The following PPFIA2 variants were observed in gnomAD, a reference collection of about 807,000 sequenced individuals.
PPFIA2 encodes liprin-alpha-2.
PPFIA2 carries 46 observed loss-of-function variants against 175.5 expected under a neutral mutation model. That is an observed-to-expected ratio of 0.26 (90% CI 0.21 to 0.34). The LOEUF is 0.34. PPFIA2 is among the 10% of genes least tolerant of loss of function. The pLI is 1.00. For missense variants in PPFIA2, 1,179 were observed against 1,506.1 expected (o/e 0.78, Z 3.60); for synonymous variants, 568 against 511.4 (o/e 1.11, Z -1.49).
At chr12:81,262,315 T>C (rs2035857129) in intron 31 of PPFIA2, among the ~76,000 whole-genome samples, 1 of 152,200 alleles carries the variant, frequency 6.6e-6, no homozygotes, top group Non-Finnish European at 1.5e-5. Flanking sequence ...CTGATTTTGA[T>C]ATGGAGATTG....
chr12:81,339,706 A>G (rs943909406), intron 20 of PPFIA2, among the ~76,000 whole-genome samples: 1 of 152,122 alleles, frequency 6.6e-6, no homozygotes, highest in African/African-American at 2.4e-5. Context: ...AATCTTAAAC[A>G]TAATGACCTA....
At chr12:81,395,206 T>C (rs949081316) in intron 8 of PPFIA2, among the ~76,000 whole-genome samples, 28 of 151,914 alleles carry the variant, frequency 1.8e-4, no homozygotes, top group African/African-American at 6.5e-4. Flanking sequence ...GAAAAACATA[T>C]AAAGGAGATA....
intron 3 of PPFIA2, among the ~76,000 whole-genome samples, chr12:81,730,249 A>C (rs1309189189): frequency 5.3e-5 from 8 of 151,698 alleles, no homozygotes. Flanking sequence ...AATTAAATGA[A>C]TATTAAGAAC....
chr12:81,622,207 AT>A (rs1420605248), intron 4 of PPFIA2, among the ~76,000 whole-genome samples: 1 of 152,170 alleles, frequency 6.6e-6, no homozygotes, highest in Non-Finnish European at 1.5e-5. Flanking sequence ...CCAATTGGGT[AT>A]ATCAACTTGG....
chr12:81,708,011 G>A (rs1334198833), intron 3 of PPFIA2, among the ~76,000 whole-genome samples: 1 of 135,866 alleles, frequency 7.4e-6, no homozygotes, highest in Admixed American at 8.0e-5. Flanking sequence ...ATCACACTCT[G>A]GGGACTGTTG....
chr12:81,368,943 A>C, intron 12 of PPFIA2, 87 bp from the exon 13 acceptor site: 1 of 1,446,934 alleles, frequency 6.9e-7, no homozygotes, highest in Admixed American at 2.3e-5. Flanking sequence ...ATTGAATTTA[A>C]TTTTACATCT....
intron 29 of PPFIA2, 86 bp from the exon 30 acceptor site, chr12:81,267,106 TATA>T: frequency 1.0e-6 from 1 of 984,158 alleles, no homozygotes; most frequent in Non-Finnish European, 1.6e-6. Context: ...GATAATGTAT[TATA>T]AACCATACTT....
At chr12:81,658,132 G>T (rs1053526163) in intron 4 of PPFIA2, among the ~76,000 whole-genome samples, 6 of 152,018 alleles carry the variant, frequency 3.9e-5, no homozygotes, top group African/African-American at 1.2e-4. Flanking sequence ...GCTGGGCATT[G>T]TGTCATATGC....
chr12:81,713,290 C>T (rs896483764), intron 3 of PPFIA2, among the ~76,000 whole-genome samples: 3 of 150,864 alleles, frequency 2.0e-5, no homozygotes, highest in African/African-American at 7.3e-5. Context: ...AAAATTGACA[C>T]ACCAAAAAAT....
At chr12:81,412,612 T>C (rs541860073) in intron 7 of PPFIA2, among the ~76,000 whole-genome samples, 15 of 152,078 alleles carry the variant, frequency 9.9e-5, no homozygotes, top group African/African-American at 3.4e-4. Context: ...TTCCTGGAAG[T>C]GAAACATTCC....
intron 4 of PPFIA2, 199 bp downstream of exon 4, chr12:81,676,592 T>G (rs993788666): frequency 3.7e-5 from 13 of 354,192 alleles, no homozygotes; most frequent in Non-Finnish European, 5.1e-5. Flanking sequence ...TAAATTTTTA[T>G]GAGTTGTTAA....
At chr12:81,480,802 C>T (rs920654586) in intron 4 of PPFIA2, among the ~76,000 whole-genome samples, 5 of 152,092 alleles carry the variant, frequency 3.3e-5, no homozygotes, top group African/African-American at 4.8e-5. Flanking sequence ...CAGAGGGGCA[C>T]CTACCAGATG....
intron 7 of PPFIA2, among the ~76,000 whole-genome samples, chr12:81,415,210 AATATATATATATATATATATAT>A (rs1203608883): frequency 7.8e-3 from 136 of 17,354 alleles, no homozygotes; most frequent in East Asian, 0.023. Context: ...AAAAAAAAAA[AATATATATATATATATATATAT>A]ATATATATAT....
intron 4 of PPFIA2, among the ~76,000 whole-genome samples, chr12:81,491,419 A>G (rs2059406387): frequency 6.6e-6 from 1 of 151,944 alleles, no homozygotes; most frequent in Non-Finnish European, 1.5e-5. Flanking sequence ...TCATGTTTAG[A>G]GGATAAAATG....
chr12:81,420,092 C>A (rs1423816070), intron 7 of PPFIA2, among the ~76,000 whole-genome samples: 1 of 152,124 alleles, frequency 6.6e-6, no homozygotes, highest in South Asian at 2.1e-4. Context: ...TAACTGCTGC[C>A]CACTCCTGGA....
At chr12:81,559,822 G>GT (rs1157077049) in intron 4 of PPFIA2, among the ~76,000 whole-genome samples, 2 of 146,690 alleles carry the variant, frequency 1.4e-5, no homozygotes, top group Non-Finnish European at 3.0e-5. Flanking sequence ...TTTTGTTGTT[G>GT]TTTTTTTGCA....
At chr12:81,381,153 G>A (rs1341722027) in intron 9 of PPFIA2, among the ~76,000 whole-genome samples, 1 of 152,030 alleles carries the variant, frequency 6.6e-6, no homozygotes, top group Non-Finnish European at 1.5e-5. Flanking sequence ...ATTTGTGTTT[G>A]CAACCTCCCT....
chr12:81,666,024 T>C (rs1596198843), intron 4 of PPFIA2, among the ~76,000 whole-genome samples: 1 of 152,276 alleles, frequency 6.6e-6, no homozygotes, highest in East Asian at 1.9e-4. Context: ...TCATCATCAC[T>C]GGCCATCAGA....
At chr12:81,656,650 T>C (rs2067836249) in intron 4 of PPFIA2, among the ~76,000 whole-genome samples, 1 of 152,058 alleles carries the variant, frequency 6.6e-6, no homozygotes, top group African/African-American at 2.4e-5. Context: ...GTTCTCACCA[T>C]GCTTCAATCA....
Sources: gnomAD v4.1 joint callset for allele counts (sites outside exome capture counted in the v4.1 genomes callset) on GRCh38, gnomAD v4.1.1 for gene constraint, MANE v1.5 for transcripts, NCBI Gene and HGNC (gene_info 2026-07-23, HGNC 2026-07-21) for gene names.